Variants in KCNN3 observed in about 807,000 individuals in gnomAD.
KCNN3 encodes the protein potassium calcium-activated channel subfamily N member 3, also known as small conductance calcium-activated potassium channel protein 3.
In KCNN3, 16 loss-of-function variants were observed where a neutral mutation model predicts 62.9. That is an observed-to-expected ratio of 0.25 (90% CI 0.17 to 0.39). KCNN3 has a LOEUF of 0.39. Ranked by LOEUF, KCNN3 falls within the 10% of genes least tolerant of loss-of-function variation. KCNN3 has a pLI of 1.00. For synonymous variants in KCNN3, 370 were observed against 389.2 expected (o/e 0.95, Z 0.58); for missense variants, 599 against 949.4 (o/e 0.63, Z 4.85).
At chr1:154,852,315 C>CT (rs1180213808) in intron 1 of KCNN3, among the ~76,000 whole-genome samples, 39 of 151,552 alleles carry the variant, frequency 2.6e-4, no homozygotes, top group African/African-American at 9.4e-4. Flanking sequence ...AGCTATCCCC[C>CT]ACCTCAACCT....
chr1:154,719,567 A>G (rs7517938), intron 5 of KCNN3, among the ~76,000 whole-genome samples: 102 of 152,306 alleles, frequency 6.7e-4, no homozygotes, highest in African/African-American at 2.4e-3. Flanking sequence ...GAAACTTGTT[A>G]TGCAGTGCAT....
At chr1:154,767,376 G>T (rs1336183495) in intron 3 of KCNN3, among the ~76,000 whole-genome samples, 1 of 152,192 alleles carries the variant, frequency 6.6e-6, no homozygotes, top group Non-Finnish European at 1.5e-5. Flanking sequence ...GGACCAAAGT[G>T]AAGGGTCCAA....
intron 3 of KCNN3, among the ~76,000 whole-genome samples, chr1:154,761,768 G>A (rs554819925): frequency 1.5e-4 from 23 of 152,198 alleles, no homozygotes; most frequent in African/African-American, 5.3e-4. Context: ...GAGAAACTCC[G>A]TCTCTACTAA....
chr1:154,836,719 A>G (rs958982246), intron 1 of KCNN3, among the ~76,000 whole-genome samples: 1 of 152,166 alleles, frequency 6.6e-6, no homozygotes, highest in Non-Finnish European at 1.5e-5. Context: ...CCAGGCTTTA[A>G]GATTGTCAGC....
chr1:154,788,727 C>T (rs960373297), intron 2 of KCNN3, among the ~76,000 whole-genome samples: 2 of 152,202 alleles, frequency 1.3e-5, no homozygotes, highest in African/African-American at 4.8e-5. Context: ...GAGCCAGCCA[C>T]CTTCACGTGC....
At chr1:154,836,347 C>A (rs571456426) in intron 1 of KCNN3, among the ~76,000 whole-genome samples, 2 of 152,324 alleles carry the variant, frequency 1.3e-5, no homozygotes, top group East Asian at 3.9e-4. Flanking sequence ...ATTTGGGCTC[C>A]TGCCCCCCGT....
At chr1:154,735,922 C>A (rs1246308957) in intron 3 of KCNN3, among the ~76,000 whole-genome samples, 1 of 152,228 alleles carries the variant, frequency 6.6e-6, no homozygotes, top group African/African-American at 2.4e-5. Flanking sequence ...GTAAAGGCAG[C>A]TCCACGCCAC....
In KCNN3 at chr1:154,733,161, A is replaced by G; in HGVS notation, c.1449-17T>C. 1 of 1,614,140 alleles carries G rather than the reference A, an allele frequency of 6.2e-7. No homozygotes were observed. The highest frequency in any genetic ancestry group is 1.7e-5 in the Admixed American group (1 of 60,026). ...TCATGGTACCTGCCAATGGGAAGAC[A>G]GGAGTTAGTCGATGAACAGCCATTC... On this transcript the variant is annotated splice_polypyrimidine_tract_variant and intron_variant, in intron 3 of 7. Transcript: ENST00000271915.
rs1469991960 is a variant in KCNN3 at position 154,839,619 on chromosome 1, G to T, written c.934-17435C>A. Among the ~76,000 whole-genome samples the T allele has an allele frequency of 2.6e-5, 4 of 152,138 alleles. No homozygotes were observed. In the East Asian group the frequency reaches 7.7e-4, roughly 29 times the overall value. Reference sequence around the variant, plus strand: ...GCCCAGGCACAGAGAGTGCTCCACAGTGAGTGAGGGTTGCTGGACTCAGAC... The same window carrying T: ...GCCCAGGCACAGAGAGTGCTCCACATTGAGTGAGGGTTGCTGGACTCAGAC... On this transcript the variant is annotated intron_variant, in intron 1 of 7. Transcript: ENST00000271915.
intron 2 of KCNN3, among the ~76,000 whole-genome samples, chr1:154,779,172 A>G (rs1171348997): frequency 6.6e-6 from 1 of 152,154 alleles, no homozygotes; most frequent in East Asian, 1.9e-4. Flanking sequence ...GCCCAGCCCA[A>G]ATGACTGACC....
rs148835330 is a variant in KCNN3 at position 154,760,162 on chromosome 1, G to A, written c.1448+11813C>T. ...CGAGTAGCTGGGATTACAGGTGCGC[G>A]CCACCACGCTGGCTAATAATTTCCC... On this transcript the variant is annotated intron_variant, in intron 3 of 7. Transcript: ENST00000271915. Among the ~76,000 whole-genome samples the A allele has an allele frequency of 8.8e-4, 134 of 151,864 alleles. 1 individual carries two copies. The highest frequency in any genetic ancestry group is 1.4e-3 in the Admixed American group (21 of 15,254).
Position 154,727,891 on chromosome 1 carries a change from T to A in KCNN3, c.1591-1865A>T, listed in dbSNP as rs534076851. Among the ~76,000 whole-genome samples, 38 of 152,362 alleles carry A rather than the reference T, an allele frequency of 2.5e-4. No individual in the cohort carries two copies. In the South Asian group the frequency reaches 3.5e-3, roughly 14 times the overall value. The stretch of plus-strand genomic sequence containing the variant: ...CCTTTATATGGAGTTCCAAAAGTAC[T>A]TTGGGCTGAAAGCCCAAAAAGAGGG... On this transcript the variant is annotated intron_variant, in intron 4 of 7. Coordinates refer to ENST00000271915, the MANE Select transcript of KCNN3 (RefSeq NM_002249.6).
intron 3 of KCNN3, among the ~76,000 whole-genome samples, chr1:154,750,229 T>C (rs1220721441): frequency 6.6e-6 from 1 of 152,164 alleles, no homozygotes; most frequent in Admixed American, 6.5e-5. Flanking sequence ...TTCTAAAGCC[T>C]CGAAGCTGGT....
At position 154,797,135 on chromosome 1, in the gene KCNN3, C is replaced by G. The variant is rs567272076; in HGVS notation, c.1030-24742G>C. 2.3e-4 allele frequency among the ~76,000 whole-genome samples: 35 copies of G among 152,292 alleles called. 2 individuals carry two copies. In the South Asian group the frequency reaches 7.2e-3, roughly 32 times the overall value. On this transcript the variant is annotated intron_variant, in intron 2 of 7. Transcript: ENST00000271915. ...CTAGAATATCCACCTCGTCCCTCCC[C>G]CTAGAACAGGAGACAGAGACAGCAG... is the stretch of plus-strand genomic sequence containing the variant.
chr1:154,702,283 A>G lies in KCNN3; in HGVS notation c.*5693T>C, dbSNP rs1699869069. ...GACCTGCTAAACACTAGTTTGATACAAAATGTTAATTGAAAGTTACAATAT... is the reference window on the plus strand; with the variant it reads ...GACCTGCTAAACACTAGTTTGATACGAAATGTTAATTGAAAGTTACAATAT... On this transcript the variant is annotated 3_prime_UTR_variant, in exon 8 of 8. Coordinates refer to ENST00000271915, the MANE Select transcript of KCNN3 (RefSeq NM_002249.6). 1 of 152,116 alleles carries G rather than the reference A, an allele frequency of 6.6e-6. No homozygotes were observed. Among genetic ancestry groups the G allele is most frequent in the East Asian group, 1.9e-4 (1 of 5,192 alleles). The allele number at this position is 152,116 out of a possible 1,614,324, so 9.4% of individuals were successfully genotyped here. A position where few individuals can be genotyped will look rare whatever the true frequency, so the allele number is the denominator to read the frequency against.
In KCNN3 at chr1:154,831,531, A is replaced by G. The variant is rs1453540590; in HGVS notation, c.934-9347T>C. Among the ~76,000 whole-genome samples the G allele has an allele frequency of 3.3e-5, 5 of 152,304 alleles. No homozygotes were observed. In the South Asian group the frequency reaches 1.0e-3, roughly 32 times the overall value. On this transcript the variant is annotated intron_variant, in intron 1 of 7. Coordinates refer to ENST00000271915, the MANE Select transcript of KCNN3 (RefSeq NM_002249.6). ...ATGAGAATTGCTGTTCTGGGGCACA[A>G]AGAAAGAAGCCAGGAGGCTGGGGTT...
intron 1 of KCNN3, among the ~76,000 whole-genome samples, chr1:154,845,679 C>T (rs1170652369): frequency 6.6e-6 from 1 of 152,106 alleles, no homozygotes; most frequent in Non-Finnish European, 1.5e-5. Flanking sequence ...GACCAGACCA[C>T]CCCCGCAAAC....
At chr1:154,795,075 C>G (rs1308187143) in intron 2 of KCNN3, among the ~76,000 whole-genome samples, 1 of 152,170 alleles carries the variant, frequency 6.6e-6, no homozygotes, top group Non-Finnish European at 1.5e-5. Flanking sequence ...AAATTTAGGT[C>G]TTTCACATTT....
Position 154,719,014 on chromosome 1 carries a change from C to G in KCNN3, c.1702-4011G>C, listed in dbSNP as rs544510943. Among the ~76,000 whole-genome samples, 9 of 152,312 alleles carry G rather than the reference C, an allele frequency of 5.9e-5. No homozygotes were observed. In the Middle Eastern group the frequency reaches 0.01, roughly 173 times the overall value. ...CAGCATCCCATGTCAATGACTTGCT[C>G]TGGCCACCTCTCTGCCCAGGTAACC... On this transcript the variant is annotated intron_variant, in intron 5 of 7. Coordinates refer to ENST00000271915, the MANE Select transcript of KCNN3 (RefSeq NM_002249.6).
Sources: allele counts gnomAD v4.1 joint callset (sites outside exome capture counted in the v4.1 genomes callset), GRCh38; gene constraint gnomAD v4.1.1; transcripts MANE v1.5; gene names NCBI Gene and HGNC (gene_info 2026-07-23, HGNC 2026-07-21).